Variants in WAPL observed in about 807,000 individuals in gnomAD.
WAPL encodes the protein WAPL cohesin release factor.
WAPL carries 5 observed loss-of-function variants against 121.0 expected under a neutral mutation model. The observed-to-expected ratio is 0.04, with a 90% CI of 0.02 to 0.09. The LOEUF is 0.09. Among genes scored for constraint, WAPL ranks in the 10% least tolerant of loss-of-function variants. WAPL has a pLI of 1.00. For missense variants in WAPL, 999 were observed against 1,410.8 expected, an observed-to-expected ratio of 0.71 and a Z score of 4.68; for synonymous variants, 480 against 481.5, an observed-to-expected ratio of 1.00 and a Z score of 0.04.
chr10:86,445,653 C>G (rs1348772947), intron 16 of WAPL, among the ~76,000 whole-genome samples: 2 of 151,946 alleles, frequency 1.3e-5, no homozygotes, highest in African/African-American at 4.8e-5. Flanking sequence ...GCCTCCCAAC[C>G]ACCTAGGACT....
chr10:86,469,641 T>C (rs1841489527), intron 8 of WAPL, among the ~76,000 whole-genome samples: 1 of 152,176 alleles, frequency 6.6e-6, no homozygotes, highest in African/African-American at 2.4e-5. Flanking sequence ...ATTTGGGATA[T>C]TCCAACACTT....
intron 12 of WAPL, among the ~76,000 whole-genome samples, chr10:86,455,113 G>T (rs1260139579): frequency 7.9e-6 from 1 of 125,862 alleles, no homozygotes; most frequent in African/African-American, 3.0e-5. Flanking sequence ...GAGGTGGGGG[G>T]GTGCCTCTGC....
Position 86,441,436 on chromosome 10 carries a change from G to C in WAPL, c.3411+1839C>G, listed in dbSNP as rs950746062. ...ATGTTCCCAGCCAGTGACTGGTTCAGACAAAAGCATTGTGACCCAATGCTG... is the reference window on the plus strand; with the variant it reads ...ATGTTCCCAGCCAGTGACTGGTTCACACAAAAGCATTGTGACCCAATGCTG... On this transcript the variant is annotated intron_variant, in intron 17 of 18. Transcript: ENST00000298767. Among the ~76,000 whole-genome samples, 3 of 152,132 alleles carry C rather than the reference G, an allele frequency of 2.0e-5. No individual in the cohort carries two copies. The East Asian group carries it at 5.8e-4, about 29-fold the overall frequency.
chr10:86,477,517 A>G (rs1012855354), intron 4 of WAPL, among the ~76,000 whole-genome samples: 1 of 152,184 alleles, frequency 6.6e-6, no homozygotes, highest in Admixed American at 6.5e-5. Context: ...AAAAGCAGAT[A>G]CAGGGCCAGG....
intron 9 of WAPL, among the ~76,000 whole-genome samples, chr10:86,465,827 T>C (rs1316666597): frequency 6.6e-6 from 1 of 152,180 alleles, no homozygotes; most frequent in African/African-American, 2.4e-5. Context: ...TGGAGGTACA[T>C]TTGCATGGAC....
At chr10:86,495,687 GT>G (rs984608443) in intron 4 of WAPL, among the ~76,000 whole-genome samples, 3 of 152,140 alleles carry the variant, frequency 2.0e-5, no homozygotes, top group African/African-American at 7.2e-5. Context: ...AAATTAAAAT[GT>G]TTTTGCATCA....
intron 8 of WAPL, among the ~76,000 whole-genome samples, chr10:86,469,183 A>T (rs1461364525): frequency 7.0e-6 from 1 of 142,764 alleles, no homozygotes; most frequent in Non-Finnish European, 1.5e-5. Flanking sequence ...GTTACTTGGG[A>T]GGGTGAGTTG....
At chr10:86,515,741 C>A (rs1842542805) in intron 2 of WAPL, among the ~76,000 whole-genome samples, 1 of 151,692 alleles carries the variant, frequency 6.6e-6, no homozygotes, top group Non-Finnish European at 1.5e-5. Flanking sequence ...AAGACTGCGC[C>A]ACTGTACTAC....
In WAPL at chr10:86,437,573, A is replaced by G. The variant is rs1471369496; in HGVS notation, c.3543T>C (p.Ser1181=). Residue 1181 remains serine (S), a synonymous_variant, in exon 19 of 19, where the codon TCT becomes TCC. Coordinates refer to ENST00000298767, the MANE Select transcript of WAPL (RefSeq NM_015045.5). The stretch of plus-strand genomic sequence containing the variant: ...AATGTTCCAAATATTCAATCACTCT[A>G]GAGATAGATTTCTGGCCAGTTGTTC... ...AVGTTGQKSI[S]RVIEYLEHC The G allele has an allele frequency of 2.5e-6, 4 of 1,613,904 alleles. No homozygotes were observed. Among genetic ancestry groups the G allele is most frequent in the Admixed American group, 1.7e-5 (1 of 59,992 alleles).
At position 86,500,735 on chromosome 10, in the gene WAPL, C is replaced by G. The variant is rs1174057161; in HGVS notation, c.508G>C (p.Glu170Gln). The G allele has an allele frequency of 1.3e-6, 2 of 1,555,418 alleles. No individual in the cohort carries two copies. Among genetic ancestry groups the G allele is most frequent in the Non-Finnish European group, 1.7e-6 (2 of 1,158,548 alleles). Residue 170 changes from glutamate (E) to glutamine (Q), a missense_variant, in exon 3 of 19, where the codon GAG (glutamate) becomes CAG (glutamine). Transcript: ENST00000298767. ...TTTTCATGTTCTTCATGAAAATTCT[C>G]CACTTTATCTGTAAAAATAAGTCAA... ...CNKLITSDKV[E>Q]NFHEEHEKNS...
intron 12 of WAPL, among the ~76,000 whole-genome samples, chr10:86,458,759 G>C (rs371658577): frequency 6.6e-6 from 1 of 152,026 alleles, no homozygotes; most frequent in African/African-American, 2.4e-5. Flanking sequence ...AGCTTGATTT[G>C]TACATTACAA....
At chr10:86,484,474 G>T (rs1841882157) in intron 4 of WAPL, among the ~76,000 whole-genome samples, 1 of 152,178 alleles carries the variant, frequency 6.6e-6, no homozygotes, top group Admixed American at 6.5e-5. Flanking sequence ...CAACCTAGGT[G>T]ACAGAGGGAG....
intron 7 of WAPL, 52 bp from the exon 8 acceptor site, chr10:86,471,155 T>C (rs1841525556): frequency 6.6e-7 from 1 of 1,508,072 alleles, no homozygotes; most frequent in Non-Finnish European, 9.2e-7. Flanking sequence ...AGTACATTAG[T>C]TTTGAGTTTG....
chr10:86,502,582 T>C (rs564189164), intron 2 of WAPL, among the ~76,000 whole-genome samples: 7 of 152,182 alleles, frequency 4.6e-5, no homozygotes, highest in Admixed American at 1.3e-4. Flanking sequence ...GAGATACAAA[T>C]AGACATTATT....
chr10:86,438,039 T>C (rs761045172), intron 17 of WAPL, 24 bp from the exon 18 acceptor site: 1 of 1,573,838 alleles, frequency 6.4e-7, no homozygotes, highest in Non-Finnish European at 8.7e-7. Context: ...GCAAGAAATA[T>C]TGGTCAGCTG....
At chr10:86,490,330 A>G (rs962619210) in intron 4 of WAPL, among the ~76,000 whole-genome samples, 1 of 152,156 alleles carries the variant, frequency 6.6e-6, no homozygotes, top group Non-Finnish European at 1.5e-5. Context: ...ATTTTCTGAC[A>G]CTATCACTTT....
intron 9 of WAPL, among the ~76,000 whole-genome samples, chr10:86,465,730 G>T (rs139216578): frequency 6.6e-6 from 1 of 152,114 alleles, no homozygotes; most frequent in African/African-American, 2.4e-5. Flanking sequence ...ACACAGATAC[G>T]GCTTTTGTTC....
chr10:86,467,408 A>C lies in WAPL; in HGVS notation c.2241T>G (p.Leu747=). The C allele has an allele frequency of 6.2e-7, 1 of 1,614,080 alleles. No individual in the cohort carries two copies. The highest frequency in any genetic ancestry group is 8.5e-7 in the Non-Finnish European group (1 of 1,180,000). ...ATGAAGCATCTTGTTCCAGTTCCAAAAGTCGAATCATTAGATCTAAGCTAG... is the reference window on the plus strand; with the variant it reads ...ATGAAGCATCTTGTTCCAGTTCCAACAGTCGAATCATTAGATCTAAGCTAG... The part of the protein sequence containing the change: ...DRASLDLMIR[L]LELEQDASSA... Residue 747 remains leucine, a synonymous_variant, in exon 9 of 19, where the codon CTT becomes CTG. Coordinates refer to ENST00000298767, the MANE Select transcript of WAPL (RefSeq NM_015045.5).
intron 2 of WAPL, among the ~76,000 whole-genome samples, chr10:86,512,246 C>G (rs1305801696): frequency 6.6e-6 from 1 of 152,188 alleles, no homozygotes; most frequent in Non-Finnish European, 1.5e-5. Flanking sequence ...AATACCATCC[C>G]TCTAACTTAC....
Sources: gnomAD v4.1 joint callset for allele counts (sites outside exome capture counted in the v4.1 genomes callset) on GRCh38, gnomAD v4.1.1 for gene constraint, MANE v1.5 for transcripts, NCBI Gene and HGNC (gene_info 2026-07-23, HGNC 2026-07-21) for gene names.